CCDC126: variants seen among roughly 807,000 people sequenced by gnomAD.
The protein encoded by CCDC126 is coiled-coil domain-containing protein 126.
A neutral mutation model predicts 11.7 loss-of-function variants in CCDC126; 5 were observed. The observed-to-expected ratio is 0.43, with a 90% CI of 0.22 to 0.90. CCDC126 has a LOEUF of 0.90. Ranked by LOEUF, CCDC126 falls within the 40% of genes least tolerant of loss-of-function variation. The pLI is 0.27. For synonymous variants in CCDC126, 60 were observed against 61.9 expected (o/e 0.97, Z 0.14); for missense variants, 150 against 163.1 (o/e 0.92, Z 0.44).
chr7:23,632,228 G>T (rs1783128517), intron 3 of CCDC126, among the ~76,000 whole-genome samples: 1 of 151,678 alleles, frequency 6.6e-6, no homozygotes, highest in Non-Finnish European at 1.5e-5. Context: ...CAAGTAGCTT[G>T]GATTACAAGG....
chr7:23,638,918 C>T (rs1268160504), intron 3 of CCDC126, among the ~76,000 whole-genome samples: 4 of 141,558 alleles, frequency 2.8e-5, no homozygotes, highest in African/African-American at 1.0e-4. Flanking sequence ...GTTGCTACTT[C>T]TTTTAATATT....
In CCDC126 at chr7:23,643,181, T is replaced by G. The variant is rs187286598; in HGVS notation, c.*66T>G. 1.4e-6 allele frequency: 2 copies of G among 1,418,630 alleles called. No individual in the cohort carries two copies. Among genetic ancestry groups the G allele is most frequent in the Admixed American group, 4.1e-5 (2 of 48,664 alleles). The allele number at this position is 1,418,630 out of a possible 1,614,324, so 87.9% of individuals were successfully genotyped here. ...TATATCCTATGGCAGAAAAGCTTTA[T>G]AATTGCTGGCTTAGGACAGAGCAAT... On this transcript the variant is annotated 3_prime_UTR_variant, in exon 4 of 4. Transcript: ENST00000307471.
intron 1 of CCDC126, 62 bp from the exon 2 acceptor site, chr7:23,597,905 C>T (rs1782456803): frequency 6.6e-6 from 1 of 152,244 alleles, no homozygotes; most frequent in Non-Finnish European, 1.5e-5. Flanking sequence ...GGGCTTGGTC[C>T]GGAGCTGCGG....
intron 3 of CCDC126, among the ~76,000 whole-genome samples, chr7:23,617,648 G>T: frequency 6.6e-6 from 1 of 152,010 alleles, no homozygotes; most frequent in Non-Finnish European, 1.5e-5. Context: ...TGCAGTAAGG[G>T]CACAGTGCTC....
chr7:23,630,947 G>A (rs895078976), intron 3 of CCDC126, among the ~76,000 whole-genome samples: 1 of 151,864 alleles, frequency 6.6e-6, no homozygotes, highest in African/African-American at 2.4e-5. Context: ...GAAATCTCAA[G>A]GGAAATGAAT....
chr7:23,621,567 T>C (rs1164499441), intron 3 of CCDC126, among the ~76,000 whole-genome samples: 2 of 152,214 alleles, frequency 1.3e-5, no homozygotes, highest in East Asian at 3.9e-4. Flanking sequence ...TGAATACTCT[T>C]TATTTCTTTC....
intron 2 of CCDC126, among the ~76,000 whole-genome samples, chr7:23,607,140 G>T (rs1018366591): frequency 6.6e-6 from 1 of 152,124 alleles, no homozygotes; most frequent in African/African-American, 2.4e-5. Context: ...TTGTTAATTT[G>T]GTGAATTTCA....
chr7:23,640,991 G>GATTTTTTTTTTTTTTT (rs754297249), intron 3 of CCDC126, among the ~76,000 whole-genome samples: 1 of 110,998 alleles, frequency 9.0e-6, no homozygotes, highest in Non-Finnish European at 1.8e-5. Context: ...GAATCCTTTT[G>GATTTTTTTTTTTTTTT]GTTTTTTTTT....
intron 3 of CCDC126, among the ~76,000 whole-genome samples, chr7:23,622,189 C>T (rs965884157): frequency 2.6e-5 from 4 of 152,104 alleles, no homozygotes; most frequent in Non-Finnish European, 4.4e-5. Context: ...TGGTAGAATT[C>T]GGCTGTGACT....
At chr7:23,619,370 T>G (rs1782850326) in intron 3 of CCDC126, 2 of 384,648 alleles carry the variant, frequency 5.2e-6, no homozygotes, top group South Asian at 2.2e-5. Flanking sequence ...TATGCAACCA[T>G]GAAGCGCATG....
chr7:23,624,200 T>A lies in CCDC126; in HGVS notation c.238+12647T>A, dbSNP rs111676789. ...CCTTGTGGATTTGTGCTTAAAAACA[T>A]AAAGAGAAAAACAGTTTACTGTTTC... is the stretch of plus-strand genomic sequence containing the variant. On this transcript the variant is annotated intron_variant, in intron 3 of 3. Coordinates refer to ENST00000307471, the MANE Select transcript of CCDC126 (RefSeq NM_138771.4). Among the ~76,000 whole-genome samples, 26 of 152,316 alleles carry A rather than the reference T, an allele frequency of 1.7e-4. 2 individuals carry two copies. Among genetic ancestry groups the A allele is most frequent in the African/African-American group, 4.3e-4 (18 of 41,560 alleles).
rs559988157 is a variant in CCDC126, at chr7:23,625,305, A to C, written c.238+13752A>C. Among the ~76,000 whole-genome samples the C allele has an allele frequency of 2.8e-3, 422 of 152,306 alleles. 1 individual carries two copies. Among genetic ancestry groups the C allele is most frequent in the South Asian group, 6.4e-3 (31 of 4,826 alleles). On this transcript the variant is annotated intron_variant, in intron 3 of 3. Transcript: ENST00000307471. ...CATATTTGTGTGAATGTTTAAGAAT[A>C]GATTACCTAATTGTGGAATTTTGGG... is the stretch of plus-strand genomic sequence containing the variant.
At chr7:23,611,895 G>A (rs956314804) in intron 3 of CCDC126, among the ~76,000 whole-genome samples, 5 of 152,180 alleles carry the variant, frequency 3.3e-5, no homozygotes, top group Non-Finnish European at 7.4e-5. Flanking sequence ...TGTAATCCCA[G>A]CACTTTGGGA....
intron 3 of CCDC126, among the ~76,000 whole-genome samples, chr7:23,616,635 C>G (rs1388463975): frequency 2.0e-5 from 3 of 152,138 alleles, no homozygotes; most frequent in Admixed American, 2.0e-4. Flanking sequence ...TCCTCATCCC[C>G]CTAGGTTCCA....
chr7:23,640,357 C>A (rs765365809), intron 3 of CCDC126, among the ~76,000 whole-genome samples: 7 of 144,066 alleles, frequency 4.9e-5, no homozygotes, highest in Non-Finnish European at 9.1e-5. Context: ...ATTAGCCAGG[C>A]ATGGTGTTGC....
At chr7:23,625,649 A>ATTTTTTTTTTTTTTTTT (rs34492140) in intron 3 of CCDC126, among the ~76,000 whole-genome samples, 2 of 77,142 alleles carry the variant, frequency 2.6e-5, no homozygotes, top group Non-Finnish European at 2.3e-5. Flanking sequence ...TATTTGACTG[A>ATTTTTTTTTTTTTTTTT]TTTTTTTTTT....
Position 23,642,966 on chromosome 7 carries a change from G to A in CCDC126, c.274G>A (p.Asp92Asn). ...LKRTIAVLLD[D>N]ILQRLVKLEN... is the part of the protein sequence containing the mutation. ...AAGAACAATTGCTGTCCTTCTGGAT[G>A]ACATTTTGCAACGATTGGTGAAGCT... Residue 92 changes from aspartate (D) to asparagine (N), a missense_variant, in exon 4 of 4, where the codon GAC (aspartate) becomes AAC (asparagine). Transcript: ENST00000307471. 1 of 1,614,078 alleles carries A rather than the reference G, an allele frequency of 6.2e-7. No homozygotes were observed. Among genetic ancestry groups the A allele is most frequent in the Non-Finnish European group, 8.5e-7 (1 of 1,179,992 alleles).
intron 2 of CCDC126, among the ~76,000 whole-genome samples, chr7:23,602,616 G>A (rs757169532): frequency 4.6e-5 from 7 of 152,118 alleles, no homozygotes; most frequent in Non-Finnish European, 1.0e-4. Context: ...GAGGAAAATA[G>A]GAATAAGGAA....
chr7:23,625,210 T>C (rs1200908996), intron 3 of CCDC126, among the ~76,000 whole-genome samples: 1 of 152,220 alleles, frequency 6.6e-6, no homozygotes, highest in African/African-American at 2.4e-5. Context: ...TGCTGAACTT[T>C]TTTTGTGTGT....
Sources: allele counts gnomAD v4.1 joint callset (sites outside exome capture counted in the v4.1 genomes callset), GRCh38; gene constraint gnomAD v4.1.1; transcripts MANE v1.5; gene names NCBI Gene and HGNC (gene_info 2026-07-23, HGNC 2026-07-21).